The following FHIT variants were observed in gnomAD, a reference collection of about 807,000 sequenced individuals.
FHIT encodes bis(5'-adenosyl)-triphosphatase.
FHIT carries 19 observed loss-of-function variants against 17.9 expected under a neutral mutation model. That is an observed-to-expected ratio of 1.06 (90% CI 0.74 to 1.56). The LOEUF (loss-of-function observed/expected upper bound fraction) is 1.56. Ranked by LOEUF, FHIT falls within the 40% of genes most tolerant of loss-of-function variation. The probability of loss-of-function intolerance (pLI) is 0.00; values close to 1 mark genes in which losing one functional copy is unlikely to be tolerated. For missense variants in FHIT, 248 were observed against 189.2 expected, an observed-to-expected ratio of 1.31 and a Z score of -1.82; for synonymous variants, 81 against 69.7, an observed-to-expected ratio of 1.16 and a Z score of -0.81.
At chr3:60,139,773 C>A (rs570712401) in intron 5 of FHIT, among the ~76,000 whole-genome samples, 1 of 149,528 alleles carries the variant, frequency 6.7e-6, no homozygotes, top group South Asian at 2.1e-4. Context: ...CAATCATCTA[C>A]TTAAAAAGGA....
intron 5 of FHIT, among the ~76,000 whole-genome samples, chr3:60,192,011 G>C (rs943663347): frequency 2.0e-5 from 3 of 152,050 alleles, no homozygotes; most frequent in African/African-American, 7.2e-5. Flanking sequence ...CTGAGGATTG[G>C]AGACTGAGGC....
chr3:60,881,883 A>G (rs1705000042), intron 3 of FHIT, among the ~76,000 whole-genome samples: 1 of 152,132 alleles, frequency 6.6e-6, no homozygotes, highest in Non-Finnish European at 1.5e-5. Flanking sequence ...AAATTAGTAC[A>G]AGGAAAGAAA....
intron 3 of FHIT, among the ~76,000 whole-genome samples, chr3:60,848,125 G>T (rs1702996949): frequency 6.6e-6 from 1 of 152,148 alleles, no homozygotes; most frequent in African/African-American, 2.4e-5. Flanking sequence ...TTTGGCATTA[G>T]TCTATTTTCC....
intron 8 of FHIT, among the ~76,000 whole-genome samples, chr3:59,812,242 T>C (rs1421895582): frequency 7.2e-5 from 11 of 152,208 alleles, no homozygotes; most frequent in African/African-American, 2.7e-4. Flanking sequence ...GGAACCCTGA[T>C]ACAGAAGGTC....
chr3:60,287,052 G>A (rs539043347), intron 5 of FHIT, among the ~76,000 whole-genome samples: 43 of 152,138 alleles, frequency 2.8e-4, no homozygotes, highest in Admixed American at 7.9e-4. Flanking sequence ...TCCTGATGCC[G>A]AAAAAACCAT....
intron 5 of FHIT, among the ~76,000 whole-genome samples, chr3:60,240,145 C>T (rs770466005): frequency 6.6e-6 from 1 of 152,108 alleles, no homozygotes; most frequent in African/African-American, 2.4e-5. Context: ...CATCTCCCTA[C>T]CACAGCAGGA....
At chr3:60,118,778 G>C (rs1450036480) in intron 5 of FHIT, among the ~76,000 whole-genome samples, 6 of 75,038 alleles carry the variant, frequency 8.0e-5, no homozygotes, top group African/African-American at 1.9e-4. Flanking sequence ...GGGCGGCGGG[G>C]GGGGGGGGGT....
intron 4 of FHIT, among the ~76,000 whole-genome samples, chr3:60,675,714 G>A (rs2040608625): frequency 1.3e-5 from 2 of 152,208 alleles, no homozygotes; most frequent in South Asian, 2.1e-4. Context: ...CCAACAGCAT[G>A]TTTTTTAATG....
chr3:60,802,095 T>G (rs782615165), intron 4 of FHIT, among the ~76,000 whole-genome samples: 1 of 152,224 alleles, frequency 6.6e-6, no homozygotes, highest in Non-Finnish European at 1.5e-5. Flanking sequence ...TGAGAGAATT[T>G]CTGCCAACAA....
intron 1 of FHIT, among the ~76,000 whole-genome samples, chr3:61,224,312 C>T (rs2039911647): frequency 6.6e-6 from 1 of 152,184 alleles, no homozygotes; most frequent in South Asian, 2.1e-4. Flanking sequence ...TCATGGGTTC[C>T]AATCTCAGCA....
chr3:60,779,653 T>C (rs142973448), intron 4 of FHIT, among the ~76,000 whole-genome samples: 6 of 152,250 alleles, frequency 3.9e-5, no homozygotes, highest in Non-Finnish European at 5.9e-5. Context: ...ATTTGTCTTA[T>C]GATAAGGAGG....
intron 5 of FHIT, among the ~76,000 whole-genome samples, chr3:60,478,548 T>C (rs534588543): frequency 1.3e-5 from 2 of 152,242 alleles, no homozygotes; most frequent in South Asian, 4.1e-4. Context: ...GGCAGAAGTA[T>C]GAGAAGAGTA....
chr3:60,118,229 C>G (rs1705068980), intron 5 of FHIT, among the ~76,000 whole-genome samples: 1 of 151,910 alleles, frequency 6.6e-6, no homozygotes, highest in South Asian at 2.1e-4. Context: ...GCTTCAGCCT[C>G]CTGAGTAGCT....
intron 8 of FHIT, among the ~76,000 whole-genome samples, chr3:59,889,204 A>G (rs1384419934): frequency 6.6e-6 from 1 of 152,210 alleles, no homozygotes; most frequent in Non-Finnish European, 1.5e-5. Context: ...GATATTCAAC[A>G]ATGCTTGGGC....
At chr3:60,726,280 G>C (rs782805163) in intron 4 of FHIT, among the ~76,000 whole-genome samples, 1 of 152,142 alleles carries the variant, frequency 6.6e-6, no homozygotes, top group Non-Finnish European at 1.5e-5. Context: ...CTAGATGATT[G>C]ATGGAATAAG....
intron 3 of FHIT, among the ~76,000 whole-genome samples, chr3:60,928,320 TA>T (rs112223579): frequency 0.028 from 1,957 of 69,032 alleles, 17 homozygotes; most frequent in Non-Finnish European, 0.038. Context: ...CTAAAAAAAT[TA>T]AAAAAAAAAA....
intron 4 of FHIT, among the ~76,000 whole-genome samples, chr3:60,816,751 G>A (rs1199366660): frequency 5.9e-5 from 9 of 151,818 alleles, no homozygotes; most frequent in Admixed American, 3.9e-4. Flanking sequence ...CACAGAATGA[G>A]TTTGGGAGGA....
At chr3:59,851,034 G>T (rs916585626) in intron 8 of FHIT, among the ~76,000 whole-genome samples, 3 of 152,132 alleles carry the variant, frequency 2.0e-5, no homozygotes, top group African/African-American at 4.8e-5. Flanking sequence ...AAAGAGCAGG[G>T]TCTTCTCTAT....
intron 5 of FHIT, among the ~76,000 whole-genome samples, chr3:60,256,656 T>C (rs1706009507): frequency 6.6e-6 from 1 of 152,208 alleles, no homozygotes; most frequent in Non-Finnish European, 1.5e-5. Flanking sequence ...CTCCCACTTC[T>C]AATCAATTGA....
Sources: allele counts gnomAD v4.1 joint callset (sites outside exome capture counted in the v4.1 genomes callset), GRCh38; gene constraint gnomAD v4.1.1; transcripts MANE v1.5; gene names NCBI Gene and HGNC (gene_info 2026-07-23, HGNC 2026-07-21).